Variants in MSRB3 observed in about 807,000 individuals in gnomAD.
MSRB3 encodes methionine-R-sulfoxide reductase B3.
MSRB3 carries 13 observed loss-of-function variants against 21.0 expected under a neutral mutation model. The observed-to-expected ratio is 0.62, with a 90% confidence interval of 0.40 to 0.98. The LOEUF (loss-of-function observed/expected upper bound fraction) is 0.98. Among genes scored for constraint, MSRB3 ranks in the 50% least tolerant of loss-of-function variants. The probability of loss-of-function intolerance (pLI) is 0.00; values close to 1 mark genes in which losing one functional copy is unlikely to be tolerated. For missense variants in MSRB3, 199 were observed against 230.3 expected (o/e 0.86, Z 0.88); for synonymous variants, 87 against 88.6 (o/e 0.98, Z 0.10).
chr12:65,381,076 G>A (rs940263228), intron 5 of MSRB3, among the ~76,000 whole-genome samples: 1 of 152,084 alleles, frequency 6.6e-6, no homozygotes, highest in Non-Finnish European at 1.5e-5. Flanking sequence ...AAAATAACAT[G>A]CATTTATTCC....
At chr12:65,293,576 C>T (rs1872779397) in intron 1 of MSRB3, among the ~76,000 whole-genome samples, 2 of 152,168 alleles carry the variant, frequency 1.3e-5, no homozygotes, top group Non-Finnish European at 2.9e-5. Flanking sequence ...CAGTCTTAGC[C>T]TTTATTCTTA....
chr12:65,394,578 T>C (rs1461516328), intron 5 of MSRB3, among the ~76,000 whole-genome samples: 1 of 152,180 alleles, frequency 6.6e-6, no homozygotes, highest in African/African-American at 2.4e-5. Flanking sequence ...AGGAAACATG[T>C]CCCAACTCAT....
At chr12:65,393,651 AAAATG>A (rs1879613924) in intron 5 of MSRB3, among the ~76,000 whole-genome samples, 1 of 139,380 alleles carries the variant, frequency 7.2e-6, no homozygotes. Context: ...AAAAAAAAAA[AAAATG>A]ACTACCATCT....
At chr12:65,433,542 C>A (rs998045331) in intron 5 of MSRB3, among the ~76,000 whole-genome samples, 2 of 151,858 alleles carry the variant, frequency 1.3e-5, no homozygotes, top group Non-Finnish European at 2.9e-5. Context: ...GAGGGAGATA[C>A]TTTACACCAT....
intron 6 of MSRB3, among the ~76,000 whole-genome samples, chr12:65,459,496 T>C (rs1281265494): frequency 6.6e-6 from 1 of 152,156 alleles, no homozygotes; most frequent in African/African-American, 2.4e-5. Flanking sequence ...GGCAAAAGAT[T>C]AATATCACAA....
At chr12:65,414,593 G>A (rs78291063) in intron 5 of MSRB3, among the ~76,000 whole-genome samples, 1,905 of 152,210 alleles carry the variant, frequency 0.013, 36 homozygotes, top group African/African-American at 0.04. Context: ...CAGGTATACC[G>A]TCTATGTTTA....
intron 2 of MSRB3, among the ~76,000 whole-genome samples, chr12:65,310,650 A>G (rs1873932542): frequency 6.6e-6 from 1 of 152,250 alleles, no homozygotes; most frequent in African/African-American, 2.4e-5. Flanking sequence ...TCAAGATATG[A>G]CAGTCATGGA....
intron 5 of MSRB3, among the ~76,000 whole-genome samples, chr12:65,438,791 C>G (rs1882239195): frequency 6.6e-6 from 1 of 151,502 alleles, no homozygotes; most frequent in African/African-American, 2.4e-5. Context: ...TCTGATTTTC[C>G]AATAACAGCA....
chr12:65,403,892 G>T (rs1327316233), intron 5 of MSRB3, among the ~76,000 whole-genome samples: 1 of 152,186 alleles, frequency 6.6e-6, no homozygotes, highest in East Asian at 1.9e-4. Context: ...CCTGGGTCAA[G>T]TGACACCCCA....
chr12:65,401,968 G>A (rs979146983), intron 5 of MSRB3, among the ~76,000 whole-genome samples: 70 of 152,276 alleles, frequency 4.6e-4, no homozygotes, highest in African/African-American at 1.6e-3. Flanking sequence ...TAGAGTTTCT[G>A]CAGAAAGATC....
chr12:65,387,192 A>G (rs147198261), intron 5 of MSRB3, among the ~76,000 whole-genome samples: 97 of 152,232 alleles, frequency 6.4e-4, no homozygotes, highest in East Asian at 2.9e-3. Flanking sequence ...AGCAACATGA[A>G]TAAATAAATA....
intron 5 of MSRB3, among the ~76,000 whole-genome samples, chr12:65,439,569 G>A (rs1287759876): frequency 2.0e-5 from 3 of 151,432 alleles, no homozygotes; most frequent in African/African-American, 4.8e-5. Flanking sequence ...TAGAGATTTC[G>A]TATAGCCCAT....
chr12:65,430,139 G>C (rs1328209295), intron 5 of MSRB3, among the ~76,000 whole-genome samples: 4 of 152,196 alleles, frequency 2.6e-5, no homozygotes, highest in Middle Eastern at 3.4e-3. Context: ...AATCTAAAAG[G>C]CTTCAGGGTA....
intron 1 of MSRB3, among the ~76,000 whole-genome samples, chr12:65,294,599 T>C (rs2136400789): frequency 6.6e-6 from 1 of 152,364 alleles, no homozygotes. Flanking sequence ...TGCACATGCA[T>C]GTGCGAGCAA....
chr12:65,350,494 C>G (rs1876889634), intron 4 of MSRB3, among the ~76,000 whole-genome samples: 1 of 151,240 alleles, frequency 6.6e-6, no homozygotes, highest in Non-Finnish European at 1.5e-5. Flanking sequence ...ACTAAATGCT[C>G]CAATGAAAAG....
chr12:65,431,427 C>A (rs1475025675), intron 5 of MSRB3, among the ~76,000 whole-genome samples: 1 of 151,920 alleles, frequency 6.6e-6, no homozygotes, highest in Non-Finnish European at 1.5e-5. Flanking sequence ...CTGTCTATTT[C>A]TGTGAATACA....
At chr12:65,384,373 T>C (rs1442329772) in intron 5 of MSRB3, among the ~76,000 whole-genome samples, 3 of 152,212 alleles carry the variant, frequency 2.0e-5, no homozygotes, top group Non-Finnish European at 2.9e-5. Context: ...ATTTATCTGT[T>C]ATCTACATTT....
chr12:65,337,721 G>A (rs1875876465), intron 4 of MSRB3, among the ~76,000 whole-genome samples: 1 of 151,394 alleles, frequency 6.6e-6, no homozygotes, highest in South Asian at 2.1e-4. Context: ...AAACTAAGTC[G>A]GTATAACTGG....
chr12:65,337,231 A>T (rs1875828138), intron 4 of MSRB3, among the ~76,000 whole-genome samples: 1 of 151,946 alleles, frequency 6.6e-6, no homozygotes, highest in Admixed American at 6.5e-5. Context: ...CGACAGAACG[A>T]GACTCCGTCT....
Sources: gnomAD v4.1 joint callset for allele counts (sites outside exome capture counted in the v4.1 genomes callset) on GRCh38, gnomAD v4.1.1 for gene constraint, MANE v1.5 for transcripts, NCBI Gene and HGNC (gene_info 2026-07-23, HGNC 2026-07-21) for gene names.